Variants in FAM163A observed in about 807,000 individuals in gnomAD.
The protein encoded by FAM163A is protein FAM163A.
A neutral mutation model predicts 12.0 loss-of-function variants in FAM163A; 7 were observed. The ratio of observed to expected loss-of-function variants is 0.58; its 90% CI spans 0.33 to 1.10. The LOEUF (loss-of-function observed/expected upper bound fraction) is 1.10. Among genes scored for constraint, FAM163A ranks in the 50% least tolerant of loss-of-function variants. The probability of loss-of-function intolerance (pLI) is 0.03; values close to 1 mark genes in which losing one functional copy is unlikely to be tolerated. For synonymous variants in FAM163A, 101 were observed against 91.0 expected, an observed-to-expected ratio of 1.11 and a Z score of -0.62; for missense variants, 202 against 218.6, an observed-to-expected ratio of 0.92 and a Z score of 0.48.
intron 1 of FAM163A, among the ~76,000 whole-genome samples, chr1:179,756,758 G>A (rs1379824798): frequency 6.6e-6 from 1 of 152,156 alleles, no homozygotes. Context: ...TGTGGAGTCA[G>A]GAGTCAGGGA....
intron 1 of FAM163A, among the ~76,000 whole-genome samples, chr1:179,807,104 G>T (rs1694047652): frequency 1.3e-5 from 2 of 151,006 alleles, no homozygotes; most frequent in South Asian, 4.2e-4. Context: ...AAAAAGAAAG[G>T]TCAACACTGT....
chr1:179,755,092 G>A (rs183563216), intron 1 of FAM163A, among the ~76,000 whole-genome samples: 14 of 149,638 alleles, frequency 9.4e-5, no homozygotes, highest in Admixed American at 5.4e-4. Flanking sequence ...AGTGGAGATC[G>A]TGCCACCGCA....
chr1:179,739,363 A>T (rs1223140225), upstream of FAM163A, among the ~76,000 whole-genome samples: 2 of 152,222 alleles, frequency 1.3e-5, no homozygotes, highest in African/African-American at 2.4e-5. Context: ...TGTAAAGAGG[A>T]TGAAAAGACT....
At chr1:179,744,352 G>A (rs1306037765) in intron 1 of FAM163A, among the ~76,000 whole-genome samples, 1 of 152,042 alleles carries the variant, frequency 6.6e-6, no homozygotes, top group African/African-American at 2.4e-5. Context: ...AGAGCAGAGC[G>A]GGCAAGCAGA....
the FAM163A span, among the ~76,000 whole-genome samples, chr1:179,736,126 AT>A: frequency 6.6e-6 from 1 of 152,226 alleles, no homozygotes; most frequent in African/African-American, 2.4e-5. Context: ...TTTGGCAATG[AT>A]TTCTTGGATG....
chr1:179,740,359 T>A (rs1193382553), upstream of FAM163A, among the ~76,000 whole-genome samples: 2 of 152,116 alleles, frequency 1.3e-5, no homozygotes, highest in Admixed American at 6.5e-5. Flanking sequence ...TTCATTTTTT[T>A]ATGTAGAGAC....
intron 2 of FAM163A, among the ~76,000 whole-genome samples, chr1:179,810,916 G>A (rs1482281098): frequency 6.6e-6 from 1 of 152,036 alleles, no homozygotes; most frequent in East Asian, 1.9e-4. Context: ...GGGGTTGCAC[G>A]TCTATAATCC....
intron 1 of FAM163A, among the ~76,000 whole-genome samples, chr1:179,766,431 C>A (rs1386937190): frequency 6.6e-6 from 1 of 152,222 alleles, no homozygotes; most frequent in Non-Finnish European, 1.5e-5. Flanking sequence ...CCCACTCAGT[C>A]TATTCACATT....
chr1:179,755,616 T>C (rs1685912732), intron 1 of FAM163A, among the ~76,000 whole-genome samples: 1 of 152,156 alleles, frequency 6.6e-6, no homozygotes. Flanking sequence ...TGCAAGATAA[T>C]GGAAATAGAA....
At chr1:179,803,109 C>G (rs890204407) in intron 1 of FAM163A, among the ~76,000 whole-genome samples, 1 of 152,150 alleles carries the variant, frequency 6.6e-6, no homozygotes, top group African/African-American at 2.4e-5. Flanking sequence ...CTTCTTCCAG[C>G]CTTGCCTGAG....
intron 1 of FAM163A, among the ~76,000 whole-genome samples, chr1:179,782,173 A>G (rs1191472624): frequency 6.6e-6 from 1 of 152,116 alleles, no homozygotes; most frequent in Non-Finnish European, 1.5e-5. Context: ...GACAAGGACC[A>G]GGCCTCTGTG....
intron 1 of FAM163A, among the ~76,000 whole-genome samples, chr1:179,801,885 A>G (rs1452606727): frequency 6.6e-6 from 1 of 152,166 alleles, no homozygotes; most frequent in African/African-American, 2.4e-5. Context: ...GTGCCCCCAA[A>G]TGGTCTAAAC....
chr1:179,806,792 G>C (rs1694002494), intron 1 of FAM163A, among the ~76,000 whole-genome samples: 1 of 152,098 alleles, frequency 6.6e-6, no homozygotes, highest in Non-Finnish European at 1.5e-5. Context: ...GAATAATGTT[G>C]AGTGGTTATT....
chr1:179,800,376 C>G (rs1336161262), intron 1 of FAM163A, among the ~76,000 whole-genome samples: 1 of 152,232 alleles, frequency 6.6e-6, no homozygotes, highest in Non-Finnish European at 1.5e-5. Flanking sequence ...GTAGGCAGCA[C>G]CTCTGAGACA....
At chr1:179,775,190 CGGTCTGATT>C (rs989549769) in intron 1 of FAM163A, among the ~76,000 whole-genome samples, 1 of 152,146 alleles carries the variant, frequency 6.6e-6, no homozygotes, top group African/African-American at 2.4e-5. Context: ...GGCCTACAAA[CGGTCTGATT>C]GGTTGCCGAA....
chr1:179,773,276 T>C (rs1340408677), intron 1 of FAM163A, among the ~76,000 whole-genome samples: 1 of 152,112 alleles, frequency 6.6e-6, no homozygotes, highest in Non-Finnish European at 1.5e-5. Context: ...AACTGTTTTG[T>C]ATCTTGACTG....
chr1:179,765,388 G>A (rs1571373508), intron 1 of FAM163A, among the ~76,000 whole-genome samples: 1 of 152,312 alleles, frequency 6.6e-6, no homozygotes, highest in Non-Finnish European at 1.5e-5. Flanking sequence ...TGCCGGTTTG[G>A]GACCACTCCA....
intron 1 of FAM163A, among the ~76,000 whole-genome samples, chr1:179,795,525 C>T (rs556280544): frequency 7.9e-5 from 12 of 152,366 alleles, no homozygotes; most frequent in Admixed American, 7.8e-4. Context: ...CTTGCTCACT[C>T]ACCTTCTGCC....
At chr1:179,812,947 T>A (rs1694899385) in intron 3 of FAM163A, 129 bp from the exon 4 acceptor site, 1 of 808,836 alleles carries the variant, frequency 1.2e-6, no homozygotes. Context: ...CCCTGGGGCC[T>A]GGCCCTCCCG....
Sources: gnomAD v4.1 joint callset for allele counts (sites outside exome capture counted in the v4.1 genomes callset) on GRCh38, gnomAD v4.1.1 for gene constraint, MANE v1.5 for transcripts, NCBI Gene and HGNC (gene_info 2026-07-23, HGNC 2026-07-21) for gene names.